FAM83D: variants seen among roughly 807,000 people sequenced by gnomAD.
FAM83D encodes the protein protein FAM83D.
Under a neutral mutation model 25.4 loss-of-function variants are expected in FAM83D, and 26 were observed. That is an observed-to-expected ratio of 1.02 (90% CI 0.75 to 1.42). The LOEUF (loss-of-function observed/expected upper bound fraction) is 1.42. FAM83D is among the 40% of genes most tolerant of loss of function. The probability of loss-of-function intolerance (pLI) is 0.00; values close to 1 mark genes in which losing one functional copy is unlikely to be tolerated. For missense variants in FAM83D, 740 were observed against 758.1 expected (o/e 0.98, Z 0.28); for synonymous variants, 310 against 318.5 (o/e 0.97, Z 0.28).
Position 38,926,734 on chromosome 20 carries a change from T to G in FAM83D, c.292T>G (p.Ser98Ala), listed in dbSNP as rs1372038562. 6.5e-7 allele frequency: 1 copy of G among 1,530,428 alleles called. No homozygotes were observed. The highest frequency in any genetic ancestry group is 2.0e-5 in the Admixed American group (1 of 50,306). 94.8% of individuals were successfully genotyped at this position (1,530,428 alleles called of 1,614,324 possible). ...DSFGSSHDCSSGTYFPEQSDL... is the reference protein window; with the variant it reads ...DSFGSSHDCSAGTYFPEQSDL... Reference sequence around the variant, plus strand: ...GTTCGGCTCCTCGCACGACTGCTCTTCGGGCACCTACTTCCCCGAGCAGTC... The same window carrying G: ...GTTCGGCTCCTCGCACGACTGCTCTGCGGGCACCTACTTCCCCGAGCAGTC... The change falls in exon 1 of 4, where the codon TCG (serine) becomes GCG (alanine). Residue 98 changes from serine to alanine, a missense_variant. Coordinates refer to ENST00000619850, the MANE Select transcript of FAM83D (RefSeq NM_030919.3).
chr20:38,948,111 C>A, intron 3 of FAM83D, 111 bp downstream of exon 3: 1 of 1,288,908 alleles, frequency 7.8e-7, no homozygotes, highest in South Asian at 1.5e-5. Context: ...GCCATGCATT[C>A]TGATATGCGT....
chr20:38,950,194 T>C (rs2085747152), intron 3 of FAM83D, among the ~76,000 whole-genome samples: 1 of 152,214 alleles, frequency 6.6e-6, no homozygotes, highest in South Asian at 2.1e-4. Context: ...AGAATTACTA[T>C]CAATCCCTTC....
intron 1 of FAM83D, among the ~76,000 whole-genome samples, chr20:38,929,126 G>A (rs184407639): frequency 4.0e-5 from 6 of 149,782 alleles, no homozygotes; most frequent in African/African-American, 1.5e-4. Context: ...GTAGTGAGCT[G>A]AGATCACACC....
At chr20:38,926,949 G>A (rs952867873) in intron 1 of FAM83D, 24 bp downstream of exon 1, 1 of 1,416,242 alleles carries the variant, frequency 7.1e-7, no homozygotes, top group Non-Finnish European at 9.1e-7. Context: ...CAGGGCCCTG[G>A]GTCGCACGGG....
chr20:38,930,257 A>G (rs879889988), intron 1 of FAM83D, among the ~76,000 whole-genome samples: 7 of 152,188 alleles, frequency 4.6e-5, no homozygotes, highest in Non-Finnish European at 1.0e-4. Flanking sequence ...TAATGGTGAT[A>G]TGATTGAGCA....
rs750728109 is a variant in FAM83D at position 38,935,068 on chromosome 20, A to G, written c.484-6891A>G. On this transcript the variant is annotated intron_variant, in intron 1 of 3. Coordinates refer to ENST00000619850, the MANE Select transcript of FAM83D (RefSeq NM_030919.3). ...TATATACACCTGTGTATACTTGTTTATATTGAAAAAATGGAAGAATATACA... is the reference window on the plus strand; with the variant it reads ...TATATACACCTGTGTATACTTGTTTGTATTGAAAAAATGGAAGAATATACA... Among the ~76,000 whole-genome samples, 163 of 152,306 alleles carry G rather than the reference A, an allele frequency of 1.1e-3. 1 individual carries two copies. The highest frequency in any genetic ancestry group is 1.1e-3 in the Non-Finnish European group (77 of 68,022).
At chr20:38,928,753 G>C (rs945551223) in intron 1 of FAM83D, among the ~76,000 whole-genome samples, 2 of 152,146 alleles carry the variant, frequency 1.3e-5, no homozygotes, top group Non-Finnish European at 2.9e-5. Flanking sequence ...CTCATCTCAC[G>C]GGCATTTTGT....
In FAM83D at chr20:38,926,465, T is replaced by G. The variant is rs1165860775; in HGVS notation, c.23T>G (p.Leu8Arg). 5.6e-6 allele frequency: 9 copies of G among 1,597,824 alleles called. No homozygotes were observed. The highest frequency in any genetic ancestry group is 7.6e-6 in the Non-Finnish European group (9 of 1,178,642). Reference sequence around the variant, plus strand: ...GCCATGGCTCTGCTGTCCGAGGGCCTGGACGAGGTGCCCGCCGCCTGCCTG... The same window carrying G: ...GCCATGGCTCTGCTGTCCGAGGGCCGGGACGAGGTGCCCGCCGCCTGCCTG... MALLSEG[L>R]DEVPAACLSP... The change falls in exon 1 of 4, where the codon CTG becomes CGG. Residue 8 changes from leucine (L) to arginine (R), a missense_variant. This residue lies in a region of FAM83D where 333 missense variants were observed against 298.6 expected (regional missense o/e 1.12). Coordinates refer to ENST00000619850, the MANE Select transcript of FAM83D (RefSeq NM_030919.3).
intron 3 of FAM83D, among the ~76,000 whole-genome samples, chr20:38,950,953 A>G (rs190923172): frequency 7.4e-4 from 113 of 152,150 alleles, no homozygotes; most frequent in African/African-American, 2.7e-3. Context: ...CCGAGTAGCT[A>G]GGATTACAGT....
At position 38,947,911 on chromosome 20, in the gene FAM83D, C is replaced by G. The variant is rs374359207; in HGVS notation, c.687C>G (p.Tyr229Ter). The G allele has an allele frequency of 6.2e-7, 1 of 1,614,160 alleles. No individual in the cohort carries two copies. The highest frequency in any genetic ancestry group is 8.5e-7 in the Non-Finnish European group (1 of 1,179,992). Residue 229 changes from tyrosine (Y) to a stop codon, truncating the protein, a stop_gained, in exon 3 of 4, where the codon TAC (tyrosine) becomes TAG (stop). Coordinates refer to ENST00000619850, the MANE Select transcript of FAM83D (RefSeq NM_030919.3). LOFTEE classifies it high-confidence loss of function. The part of the protein sequence containing the change: ...MTVRTITGNI[Y>*]YARSGTKIIG... Reference sequence around the variant, plus strand: ...TTCGGACTATCACAGGAAATATCTACTATGCAAGGTCAGGAACTAAGATTA... The same window carrying G: ...TTCGGACTATCACAGGAAATATCTAGTATGCAAGGTCAGGAACTAAGATTA...
At chr20:38,944,735 C>G (rs183322197) in intron 2 of FAM83D, among the ~76,000 whole-genome samples, 1 of 152,166 alleles carries the variant, frequency 6.6e-6, no homozygotes, top group East Asian at 1.9e-4. Flanking sequence ...GTCAGGAGAT[C>G]GAGACCACCC....
chr20:38,927,567 C>A (rs1168114302), intron 1 of FAM83D, among the ~76,000 whole-genome samples: 1 of 133,832 alleles, frequency 7.5e-6, no homozygotes, highest in African/African-American at 2.8e-5. Context: ...GGTGGGATCT[C>A]AGTTCACTGC....
At position 38,947,976 on chromosome 20, in the gene FAM83D, TCC is replaced by T; in HGVS notation, c.753_754del (p.Ile251MetfsTer20). ...GAAAAGTTCACGTTGATTGATGGCA[TCC>T]GCGTGGCAACAGGCTCCTACAGGTA... On this transcript the variant is annotated frameshift_variant, in exon 3 of 4. Coordinates refer to ENST00000619850, the MANE Select transcript of FAM83D (RefSeq NM_030919.3). LOFTEE classifies it low-confidence loss of function (END_TRUNC). 1 of 1,614,192 alleles carries T rather than the reference TCC, an allele frequency of 6.2e-7. No homozygotes were observed. Among genetic ancestry groups the T allele is most frequent in the Non-Finnish European group, 8.5e-7 (1 of 1,180,028 alleles).
intron 1 of FAM83D, among the ~76,000 whole-genome samples, chr20:38,935,891 A>C (rs1487432422): frequency 6.6e-6 from 1 of 152,228 alleles, no homozygotes; most frequent in African/African-American, 2.4e-5. Context: ...TTTTGACAAA[A>C]TCCCAAGGAG....
At position 38,926,715 on chromosome 20, in the gene FAM83D, C is replaced by A; in HGVS notation, c.273C>A (p.Gly91=). 6.6e-7 allele frequency: 1 copy of A among 1,521,928 alleles called. No homozygotes were observed. Among genetic ancestry groups the A allele is most frequent in the Non-Finnish European group, 8.8e-7 (1 of 1,141,582 alleles). The allele number at this position is 1,521,928 out of a possible 1,614,324, so 94.3% of individuals were successfully genotyped here. ...CGGCGGCGGCCGAGGACTCGTTCGG[C>A]TCCTCGCACGACTGCTCTTCGGGCA... The part of the protein sequence containing the change: ...AAAAAAEDSF[G]SSHDCSSGTY... Residue 91 remains glycine (G), a synonymous_variant, in exon 1 of 4, where the codon GGC becomes GGA. Transcript: ENST00000619850.
At chr20:38,946,217 A>AC (rs2085727939) in intron 2 of FAM83D, among the ~76,000 whole-genome samples, 4 of 151,590 alleles carry the variant, frequency 2.6e-5, no homozygotes, top group Admixed American at 6.6e-5. Context: ...AAAAAAAAAA[A>AC]AAACAATTTT....
At chr20:38,947,399 G>A (rs566508493) in intron 2 of FAM83D, among the ~76,000 whole-genome samples, 1 of 152,318 alleles carries the variant, frequency 6.6e-6, no homozygotes, top group South Asian at 2.1e-4. Flanking sequence ...TTGAGGGTGA[G>A]TGAGGATGGA....
intron 1 of FAM83D, among the ~76,000 whole-genome samples, chr20:38,931,361 C>G (rs998845083): frequency 1.3e-5 from 2 of 152,208 alleles, no homozygotes; most frequent in Non-Finnish European, 2.9e-5. Flanking sequence ...GAACATAGGT[C>G]TCTGAGTTTA....
intron 2 of FAM83D, among the ~76,000 whole-genome samples, chr20:38,945,519 C>T (rs546719160): frequency 6.6e-6 from 1 of 152,230 alleles, no homozygotes; most frequent in Admixed American, 6.5e-5. Flanking sequence ...AACCTCAGTA[C>T]AAATAACAAA....
Sources: gnomAD v4.1 joint callset for allele counts (sites outside exome capture counted in the v4.1 genomes callset) on GRCh38, gnomAD v4.1.1 for gene constraint, gnomAD v4.1.1 regional missense constraint, MANE v1.5 for transcripts, NCBI Gene and HGNC (gene_info 2026-07-23, HGNC 2026-07-21) for gene names.